BTN1A1: variants seen among roughly 807,000 people sequenced by gnomAD.
BTN1A1 encodes butyrophilin subfamily 1 member A1.
In BTN1A1, 26 loss-of-function variants were observed where a neutral mutation model predicts 33.1. That is an observed-to-expected ratio of 0.79 (90% CI 0.58 to 1.09). BTN1A1 has a LOEUF of 1.09. BTN1A1 is among the 50% of genes least tolerant of loss of function. BTN1A1 has a pLI of 0.00. For synonymous variants in BTN1A1, 235 were observed against 256.2 expected, an observed-to-expected ratio of 0.92 and a Z score of 0.79; for missense variants, 558 against 655.7, an observed-to-expected ratio of 0.85 and a Z score of 1.63.
chr6:26,508,832 C>G lies in BTN1A1; in HGVS notation c.1239C>G (p.Leu413=). The change falls in exon 8 of 8, where the codon CTC becomes CTG. Residue 413 remains leucine, a synonymous_variant. Transcript: ENST00000684113. The stretch of plus-strand genomic sequence containing the variant: ...CCCTCACTCCTCTCCGGACCCCTCT[C>G]CCATTGGCAGGGCCCCCACGCCGGG... ...YWALTPLRTP[L]PLAGPPRRVG... The G allele has an allele frequency of 6.2e-7, 1 of 1,614,198 alleles. No individual in the cohort carries two copies. The highest frequency in any genetic ancestry group is 8.5e-7 in the Non-Finnish European group (1 of 1,180,026).
rs544852627 is a variant in BTN1A1 at position 26,501,640 on chromosome 6, G to T, written c.130G>T (p.Glu44Ter). Reference sequence around the variant, plus strand: ...GGAGCCCATCCTGGCCGTTGTGGGTGAGGACGCCGAGCTGCCCTGTCGCCT... The same window carrying T: ...GGAGCCCATCCTGGCCGTTGTGGGTTAGGACGCCGAGCTGCCCTGTCGCCT... ...PPEPILAVVG[E>*]DAELPCRLSP... Residue 44 changes from glutamate (E) to a stop codon, truncating the protein, a stop_gained, in exon 3 of 8, where the codon GAG (glutamate) becomes TAG (stop). Transcript: ENST00000684113. LOFTEE classifies it high-confidence loss of function. The surrounding 1 kb of genome is among the most constrained non-coding windows in gnomAD (Gnocchi z 5.2). 1.2e-6 allele frequency: 2 copies of T among 1,613,958 alleles called. No homozygotes were observed. The highest frequency in any genetic ancestry group is 1.7e-6 in the Non-Finnish European group (2 of 1,179,980).
At position 26,508,910 on chromosome 6, in the gene BTN1A1, T is replaced by G. The variant is rs148364319; in HGVS notation, c.1317T>G (p.Asn439Lys). Residue 439 changes from asparagine (N) to lysine (K), a missense_variant, in exon 8 of 8, where the codon AAT becomes AAG. Physicochemically the swap from Asn to Lys is moderately conservative, Grantham distance 94. Coordinates refer to ENST00000684113, the MANE Select transcript of BTN1A1 (RefSeq NM_001732.3). ...GAGACATCTCCTTCTACAACATGAA[T>G]GATGGATCTGATATCTATACTTTCT... is the stretch of plus-strand genomic sequence containing the variant. Reference protein sequence around the residue: ...ESGDISFYNMNDGSDIYTFSN... With the variant: ...ESGDISFYNMKDGSDIYTFSN... 39 of 1,614,220 alleles carry G rather than the reference T, an allele frequency of 2.4e-5. No individual in the cohort carries two copies. In the African/African-American group the frequency reaches 4.3e-4, roughly 18 times the overall value.
chr6:26,500,891 G>C (rs1197390919), intron 1 of BTN1A1, among the ~76,000 whole-genome samples: 1 of 152,070 alleles, frequency 6.6e-6, no homozygotes, highest in Admixed American at 6.6e-5. Flanking sequence ...CTCCAAGCTG[G>C]GCAACAGAGC....
chr6:26,501,512 CT>C lies in BTN1A1; in HGVS notation c.80-75del. On this transcript the variant is annotated intron_variant, in intron 2 of 7. Coordinates refer to ENST00000684113, the MANE Select transcript of BTN1A1 (RefSeq NM_001732.3). The surrounding 1 kb of genome is among the most constrained non-coding windows in gnomAD (Gnocchi z 5.2). Reference sequence around the variant, plus strand: ...GAGTAAGAGAGCGCGGGGCACTGCGCTTTGGCGGGAATCTGGTCGGTGTCTG... The same window carrying C: ...GAGTAAGAGAGCGCGGGGCACTGCGCTTGGCGGGAATCTGGTCGGTGTCTG... 1 of 1,594,436 alleles carries C rather than the reference CT, an allele frequency of 6.3e-7. No homozygotes were observed. The highest frequency in any genetic ancestry group is 8.6e-7 in the Non-Finnish European group (1 of 1,166,526).
intron 4 of BTN1A1, among the ~76,000 whole-genome samples, chr6:26,505,476 C>T (rs756554607): frequency 6.6e-6 from 1 of 152,144 alleles, no homozygotes; most frequent in Non-Finnish European, 1.5e-5. Context: ...GACTGGAGTG[C>T]AGCAGCAGAA....
chr6:26,505,471 G>T (rs970211699), intron 4 of BTN1A1, among the ~76,000 whole-genome samples: 4 of 152,076 alleles, frequency 2.6e-5, no homozygotes, highest in Admixed American at 2.6e-4. Context: ...GCCTAGACTG[G>T]AGTGCAGCAG....
Position 26,508,608 on chromosome 6 carries a change from G to C in BTN1A1, c.1015G>C (p.Glu339Gln), listed in dbSNP as rs1373788303. ...DSRQKLPEKT[E>Q]RFDSWPCVLG... ...ACGTCAGAAACTGCCTGAGAAAACA[G>C]AGAGATTTGACTCCTGGCCCTGTGT... Residue 339 changes from glutamate to glutamine, a missense_variant, in exon 8 of 8, where the codon GAG (glutamate) becomes CAG (glutamine). Transcript: ENST00000684113. The C allele has an allele frequency of 1.9e-6, 3 of 1,614,040 alleles. No homozygotes were observed. Among genetic ancestry groups the C allele is most frequent in the African/African-American group, 2.7e-5 (2 of 74,920 alleles).
At position 26,501,489 on chromosome 6, in the gene BTN1A1, G is replaced by A. The variant is rs959113244; in HGVS notation, c.80-101G>A. The A allele has an allele frequency of 2.0e-5, 32 of 1,583,116 alleles. No homozygotes were observed. The highest frequency in any genetic ancestry group is 2.5e-5 in the Non-Finnish European group (29 of 1,156,166). ...CCAGACAAACTCAGCTGTCAAAGGA[G>A]TAAGAGAGCGCGGGGCACTGCGCTT... On this transcript the variant is annotated intron_variant, in intron 2 of 7. Coordinates refer to ENST00000684113, the MANE Select transcript of BTN1A1 (RefSeq NM_001732.3). This position sits in a 1 kb window ranked among gnomAD's most constrained non-coding sequence, Gnocchi z 5.2.
chr6:26,503,602 T>C (rs1240847899), intron 3 of BTN1A1, among the ~76,000 whole-genome samples: 1 of 150,372 alleles, frequency 6.7e-6, no homozygotes, highest in Non-Finnish European at 1.5e-5. Flanking sequence ...TACAAACATA[T>C]TGCCTTTCAC....
chr6:26,508,910 T>C lies in BTN1A1; in HGVS notation c.1317T>C (p.Asn439=), dbSNP rs148364319. 3 of 1,614,220 alleles carry C rather than the reference T, an allele frequency of 1.9e-6. No individual in the cohort carries two copies. The highest frequency in any genetic ancestry group is 2.2e-5 in the East Asian group (1 of 44,882). ...ESGDISFYNM[N]DGSDIYTFSN... is the part of the protein sequence containing the mutation. ...GAGACATCTCCTTCTACAACATGAA[T>C]GATGGATCTGATATCTATACTTTCT... Residue 439 remains asparagine (N), a synonymous_variant, in exon 8 of 8, where the codon AAT becomes AAC. Transcript: ENST00000684113.
At chr6:26,505,710 GCCATCACAC>G (rs1763860303) in intron 4 of BTN1A1, among the ~76,000 whole-genome samples, 1 of 151,584 alleles carries the variant, frequency 6.6e-6, no homozygotes, top group South Asian at 2.1e-4. Context: ...ATAGGTGTGA[GCCATCACAC>G]CCAGTGAAAT....
rs751855829 is a variant in BTN1A1 at position 26,508,980 on chromosome 6, TG to T, written c.1389del (p.Trp463CysfsTer8). ...SGPLRPFFCL[W>X]SSGKKPLTIC... The stretch of plus-strand genomic sequence containing the variant: ...CCCCCTCCGGCCCTTCTTTTGCCTA[TG>T]GTCTAGCGGTAAAAAGCCCCTGACC... On this transcript the variant is annotated frameshift_variant, in exon 8 of 8. Coordinates refer to ENST00000684113, the MANE Select transcript of BTN1A1 (RefSeq NM_001732.3). LOFTEE classifies it low-confidence loss of function (END_TRUNC). 1 of 1,614,222 alleles carries T rather than the reference TG, an allele frequency of 6.2e-7. No homozygotes were observed. The highest frequency in any genetic ancestry group is 1.3e-5 in the African/African-American group (1 of 75,054).
At chr6:26,506,225 G>A (rs1247037386) in intron 4 of BTN1A1, among the ~76,000 whole-genome samples, 2 of 151,950 alleles carry the variant, frequency 1.3e-5, no homozygotes, top group African/African-American at 4.8e-5. Context: ...TAGGTTTCCA[G>A]GGTCCTCAGG....
chr6:26,504,999 G>T lies in BTN1A1; in HGVS notation c.502G>T (p.Gly168Ter). 1 of 1,614,174 alleles carries T rather than the reference G, an allele frequency of 6.2e-7. No individual in the cohort carries two copies. Among genetic ancestry groups the T allele is most frequent in the Non-Finnish European group, 8.5e-7 (1 of 1,180,020 alleles). Residue 168 changes from glycine to a stop codon, truncating the protein, a stop_gained, in exon 4 of 8, where the codon GGA becomes TGA. Transcript: ENST00000684113. LOFTEE classifies it high-confidence loss of function. ...GEICLECTSV[G>*]WYPEPQVQWR... ...AATCTGTCTGGAGTGCACCTCAGTG[G>T]GATGGTACCCAGAGCCCCAGGTGCA...
chr6:26,501,155 A>G lies in BTN1A1; in HGVS notation c.-57-75A>G. ...ATGACCAGAACACTTGCAGCTGGAA[A>G]GAACTGTAGAGAGGACTTTGGAAAG... On this transcript the variant is annotated intron_variant, in intron 1 of 7. Coordinates refer to ENST00000684113, the MANE Select transcript of BTN1A1 (RefSeq NM_001732.3). This position sits in a 1 kb window ranked among gnomAD's most constrained non-coding sequence, Gnocchi z 5.2. The G allele has an allele frequency of 2.7e-6, 2 of 743,346 alleles. No homozygotes were observed. Among genetic ancestry groups the G allele is most frequent in the Non-Finnish European group, 4.8e-6 (2 of 420,012 alleles). 46.0% of individuals were successfully genotyped at this position (743,346 alleles called of 1,614,324 possible). A position where few individuals can be genotyped will look rare whatever the true frequency, so the allele number is the denominator to read the frequency against.
rs774915536 is a variant in BTN1A1, at chr6:26,501,417, T to C, written c.79+52T>C. The C allele has an allele frequency of 6.3e-7, 1 of 1,586,384 alleles. No homozygotes were observed. The highest frequency in any genetic ancestry group is 2.2e-5 in the East Asian group (1 of 44,734). ...CATAGTTGAAATATATCAATAAATG[T>C]AAAATAAACAATCCCACTTGGCTCT... On this transcript the variant is annotated intron_variant, in intron 2 of 7. Transcript: ENST00000684113. The surrounding 1 kb of genome is among the most constrained non-coding windows in gnomAD (Gnocchi z 5.2).
chr6:26,508,304 G>A (rs961364812), intron 7 of BTN1A1, among the ~76,000 whole-genome samples, 197 bp from the exon 8 acceptor site: 5 of 152,170 alleles, frequency 3.3e-5, no homozygotes, highest in African/African-American at 1.2e-4. Flanking sequence ...GGCACAGTTA[G>A]CTCTTACATC....
chr6:26,508,335 G>T (rs903000985), intron 7 of BTN1A1, among the ~76,000 whole-genome samples, 166 bp from the exon 8 acceptor site: 1 of 152,136 alleles, frequency 6.6e-6, no homozygotes, highest in Admixed American at 6.5e-5. Flanking sequence ...TGCTGGTAAG[G>T]GGGGATCCTG....
Position 26,509,232 on chromosome 6 carries a change from T to C in BTN1A1, c.*58T>C. The C allele has an allele frequency of 6.9e-7, 1 of 1,439,120 alleles. No homozygotes were observed. Among genetic ancestry groups the C allele is most frequent in the Non-Finnish European group, 9.5e-7 (1 of 1,056,676 alleles). The allele number at this position is 1,439,120 out of a possible 1,614,324, so 89.1% of individuals were successfully genotyped here. A position where few individuals can be genotyped will look rare whatever the true frequency, so the allele number is the denominator to read the frequency against. On this transcript the variant is annotated 3_prime_UTR_variant, in exon 8 of 8. Transcript: ENST00000684113. ...CTAACCCCTCTCCTCCATAGCCTTC[T>C]GAGGCTTCACCTGCTAGCTTTACCC...
Sources: gnomAD v4.1 joint callset for allele counts (sites outside exome capture counted in the v4.1 genomes callset) on GRCh38, gnomAD v4.1.1 for gene constraint, Gnocchi (gnomAD v3.1) non-coding constraint, MANE v1.5 for transcripts, NCBI Gene and HGNC (gene_info 2026-07-23, HGNC 2026-07-21) for gene names.